The following ASXL3 variants were observed in gnomAD, a reference collection of about 807,000 sequenced individuals.
ASXL3 encodes the protein putative Polycomb group protein ASXL3.
In ASXL3, 34 loss-of-function variants were observed where a neutral mutation model predicts 170.6. That is an observed-to-expected ratio of 0.20 (90% CI 0.15 to 0.27). ASXL3 has a LOEUF of 0.27. ASXL3 is among the 10% of genes least tolerant of loss of function. ASXL3 has a pLI of 1.00. For missense variants in ASXL3, 2,592 were observed against 2,695.3 expected (o/e 0.96, Z 0.85); for synonymous variants, 1,002 against 989.1 (o/e 1.01, Z -0.24).
At chr18:33,651,357 A>C (rs531750687) in intron 4 of ASXL3, among the ~76,000 whole-genome samples, 1 of 152,194 alleles carries the variant, frequency 6.6e-6, no homozygotes, top group Non-Finnish European at 1.5e-5. Flanking sequence ...AGCTGTACAA[A>C]TATACTTTGA....
chr18:33,678,193 G>C (rs1456754704), intron 7 of ASXL3, among the ~76,000 whole-genome samples: 2 of 152,046 alleles, frequency 1.3e-5, no homozygotes, highest in East Asian at 3.9e-4. Flanking sequence ...CTTTTGAGTA[G>C]CTGGGATTAC....
At chr18:33,693,405 T>C (rs1290303637) in intron 8 of ASXL3, among the ~76,000 whole-genome samples, 1 of 152,274 alleles carries the variant, frequency 6.6e-6, no homozygotes, top group East Asian at 1.9e-4. Context: ...AGACAAAGCT[T>C]ATTTAGAAAA....
rs529733619 is a variant in ASXL3 at position 33,618,844 on chromosome 18, A to G, written c.137+11168A>G. Among the ~76,000 whole-genome samples, 39 of 152,260 alleles carry G rather than the reference A, an allele frequency of 2.6e-4. No homozygotes were observed. The South Asian group carries it at 7.9e-3, about 31-fold the overall frequency. ...AATTATTCATGTATATGATATTCCA[A>G]CATGTTAAAAAGTATTGTCTTTCCA... is the stretch of plus-strand genomic sequence containing the variant. On this transcript the variant is annotated intron_variant, in intron 2 of 11. Transcript: ENST00000269197.
At position 33,578,488 on chromosome 18, in the gene ASXL3, G is replaced by GCCGCCGCCGCCGCCGCCGCCGCCA. The variant is rs2064963915; in HGVS notation, c.-133_-132insGCCGCCGCCGCCACCGCCGCCGCC. ...CGCCGCCGCCGCCGCCGCCGCCGCC[G>GCCGCCGCCGCCGCCGCCGCCGCCA]CCGCCGCCGCCACCGCCCGCGCGCC... is the stretch of plus-strand genomic sequence containing the variant. On this transcript the variant is annotated 5_prime_UTR_variant, in exon 1 of 12. Transcript: ENST00000269197. The GCCGCCGCCGCCGCCGCCGCCGCCA allele has an allele frequency of 7.9e-6, 2 of 253,958 alleles. No homozygotes were observed. The highest frequency in any genetic ancestry group is 5.6e-5 in the African/African-American group (2 of 36,032). The allele number at this position is 253,958 out of a possible 1,614,324, so 15.7% of individuals were successfully genotyped here. A position where few individuals can be genotyped will look rare whatever the true frequency, so the allele number is the denominator to read the frequency against.
chr18:33,688,333 C>T (rs940561145), intron 8 of ASXL3, among the ~76,000 whole-genome samples: 1 of 152,102 alleles, frequency 6.6e-6, no homozygotes, highest in Non-Finnish European at 1.5e-5. Context: ...GTAGATGCTT[C>T]GTAGGCAATT....
intron 2 of ASXL3, among the ~76,000 whole-genome samples, chr18:33,629,782 A>G (rs2065651481): frequency 6.6e-6 from 1 of 151,994 alleles, no homozygotes; most frequent in Admixed American, 6.6e-5. Flanking sequence ...TTTCCTAAGG[A>G]AGATATTTCT....
In ASXL3 at chr18:33,746,839, A is replaced by C. The variant is rs1461602552; in HGVS notation, c.*244A>C. ...CCATTCCTAGCTTTGGAAAGTTTCT[A>C]TCTGTCCATGTGTATACAAGTCAAT... is the stretch of plus-strand genomic sequence containing the variant. On this transcript the variant is annotated 3_prime_UTR_variant, in exon 12 of 12. Coordinates refer to ENST00000269197, the MANE Select transcript of ASXL3 (RefSeq NM_030632.3). 1.8e-6 allele frequency: 1 copy of C among 557,392 alleles called. No individual in the cohort carries two copies. Among genetic ancestry groups the C allele is most frequent in the Non-Finnish European group, 2.9e-6 (1 of 347,720 alleles). The allele number at this position is 557,392 out of a possible 1,614,324, so 34.5% of individuals were successfully genotyped here.
At position 33,745,957 on chromosome 18, in the gene ASXL3, C is replaced by G. The variant is rs746554436; in HGVS notation, c.6109C>G (p.Pro2037Ala). ...PPLALPPPPP[P>A]PPPLPPPLPN... ...CTTGGCTTTGCCCCCGCCTCCCCCC[C>G]CACCACCTCCGCTACCTCCACCTCT... The change falls in exon 12 of 12, where the codon CCA becomes GCA. Residue 2037 changes from proline (P) to alanine (A), a missense_variant. Physicochemically the swap from Pro to Ala is conservative, Grantham distance 27. Around this residue, in one of 4 missense-constraint regions of ASXL3, gnomAD observed 2,246 missense variants for 2,219.6 expected, o/e 1.01. Transcript: ENST00000269197. The G allele has an allele frequency of 1.0e-5, 16 of 1,541,820 alleles. No homozygotes were observed. Among genetic ancestry groups the G allele is most frequent in the East Asian group, 4.8e-5 (2 of 41,972 alleles).
chr18:33,738,543 G>A lies in ASXL3; in HGVS notation c.1139G>A (p.Gly380Glu). ...CTCACTACTGGACCAAACAACGCTGGAGCTCAAAGTAGTTCTTCATGTGGG... is the reference window on the plus strand; with the variant it reads ...CTCACTACTGGACCAAACAACGCTGAAGCTCAAAGTAGTTCTTCATGTGGG... ...VKLTTGPNNA[G>E]AQSSSSCGTS... Residue 380 changes from glycine to glutamate, a missense_variant, in exon 11 of 12, where the codon GGA (glycine) becomes GAA (glutamate). Physicochemically the swap from Gly to Glu is moderately conservative, Grantham distance 98 (BLOSUM62 -2). Around this residue, in one of 4 missense-constraint regions of ASXL3, gnomAD observed 2,246 missense variants for 2,219.6 expected, o/e 1.01. Transcript: ENST00000269197. 6.2e-7 allele frequency: 1 copy of A among 1,613,686 alleles called. No individual in the cohort carries two copies. The highest frequency in any genetic ancestry group is 1.1e-5 in the South Asian group (1 of 91,030).
At chr18:33,693,649 A>G (rs1043245110) in intron 8 of ASXL3, among the ~76,000 whole-genome samples, 1 of 152,118 alleles carries the variant, frequency 6.6e-6, no homozygotes, top group Middle Eastern at 3.2e-3. Flanking sequence ...AGTTGCTGAG[A>G]ATCATTGAGG....
Position 33,740,197 on chromosome 18 carries a change from G to A in ASXL3, c.2793G>A (p.Gln931=). The A allele has an allele frequency of 6.2e-7, 1 of 1,613,904 alleles. No individual in the cohort carries two copies. Among genetic ancestry groups the A allele is most frequent in the Non-Finnish European group, 8.5e-7 (1 of 1,179,866 alleles). Residue 931 remains glutamine, a synonymous_variant, in exon 11 of 12, where the codon CAG becomes CAA. Transcript: ENST00000269197. The part of the protein sequence containing the change: ...RNKTHKQGST[Q]SRLETSHTSK... ...AAACACATAAGCAAGGGAGTACACA[G>A]AGTCGGTTAGAAACCTCACATACTT...
chr18:33,612,685 C>T (rs1196418766), intron 2 of ASXL3, among the ~76,000 whole-genome samples: 2 of 151,944 alleles, frequency 1.3e-5, no homozygotes, highest in Non-Finnish European at 2.9e-5. Context: ...ATTCTATTAC[C>T]ATGTATAGTG....
intron 8 of ASXL3, among the ~76,000 whole-genome samples, chr18:33,723,471 CTAGAAT>C (rs937810014): frequency 6.6e-6 from 1 of 152,102 alleles, no homozygotes; most frequent in African/African-American, 2.4e-5. Context: ...AGCAAGAGAA[CTAGAAT>C]TAGAAGTAGA....
intron 10 of ASXL3, among the ~76,000 whole-genome samples, chr18:33,737,505 A>G (rs1000613008): frequency 6.6e-6 from 1 of 152,136 alleles, no homozygotes; most frequent in African/African-American, 2.4e-5. Context: ...ACAGTGATTT[A>G]CAGTACCCTT....
intron 8 of ASXL3, among the ~76,000 whole-genome samples, chr18:33,727,721 A>C (rs919318111): frequency 6.6e-6 from 1 of 152,184 alleles, no homozygotes; most frequent in African/African-American, 2.4e-5. Flanking sequence ...GGAATAAATA[A>C]ATCTTTCAGA....
At chr18:33,671,725 T>C (rs375234001) in intron 6 of ASXL3, 22 bp from the exon 7 acceptor site, 88 of 1,577,780 alleles carry the variant, frequency 5.6e-5, no homozygotes, top group Non-Finnish European at 7.4e-5. Flanking sequence ...GATAATGACA[T>C]AATAACTATT....
chr18:33,745,266 T>C lies in ASXL3; in HGVS notation c.5418T>C (p.Asp1806=). 1 of 1,613,824 alleles carries C rather than the reference T, an allele frequency of 6.2e-7. No homozygotes were observed. Among genetic ancestry groups the C allele is most frequent in the Non-Finnish European group, 8.5e-7 (1 of 1,179,860 alleles). The change falls in exon 12 of 12, where the codon GAT becomes GAC. Residue 1806 remains aspartate (D), a synonymous_variant. Transcript: ENST00000269197. ...VEIPPSSPNP[D]GKGYLAGTLA... Reference sequence around the variant, plus strand: ...TTCCGCCCAGCTCTCCAAATCCAGATGGTAAGGGCTACTTGGCAGGGACTC... The same window carrying C: ...TTCCGCCCAGCTCTCCAAATCCAGACGGTAAGGGCTACTTGGCAGGGACTC...
At chr18:33,590,896 A>G (rs1348036500) in intron 1 of ASXL3, among the ~76,000 whole-genome samples, 1 of 152,190 alleles carries the variant, frequency 6.6e-6, no homozygotes, top group Non-Finnish European at 1.5e-5. Flanking sequence ...TTAACACACT[A>G]AAATATACAT....
intron 8 of ASXL3, among the ~76,000 whole-genome samples, chr18:33,691,121 G>A (rs1447695084): frequency 6.6e-6 from 1 of 152,152 alleles, no homozygotes; most frequent in Admixed American, 6.5e-5. Context: ...CAGCTGTTGG[G>A]TAGTCACAGC....
Sources: gnomAD v4.1 joint callset for allele counts (sites outside exome capture counted in the v4.1 genomes callset) on GRCh38, gnomAD v4.1.1 for gene constraint, gnomAD v4.1.1 regional missense constraint, MANE v1.5 for transcripts, NCBI Gene and HGNC (gene_info 2026-07-23, HGNC 2026-07-21) for gene names.